Variants in KIF3C observed in about 807,000 individuals in gnomAD.
KIF3C encodes the protein kinesin-like protein KIF3C.
A neutral mutation model predicts 67.7 loss-of-function variants in KIF3C; 12 were observed. The observed-to-expected ratio is 0.18, with a 90% CI of 0.11 to 0.29. The LOEUF (loss-of-function observed/expected upper bound fraction) is 0.29, where lower values mean the gene tolerates loss of function less well. KIF3C is among the 10% of genes least tolerant of loss of function. The pLI is 1.00. For synonymous variants in KIF3C, 393 were observed against 426.2 expected (o/e 0.92, Z 0.96); for missense variants, 789 against 1,059.6 (o/e 0.74, Z 3.55).
At chr2:25,939,014 C>T (rs927550312) in intron 5 of KIF3C, among the ~76,000 whole-genome samples, 1 of 152,024 alleles carries the variant, frequency 6.6e-6, no homozygotes, top group Admixed American at 6.6e-5. Context: ...CCCTCTCTCC[C>T]TCCCTTCCTC....
chr2:25,936,864 G>C (rs574614050), intron 5 of KIF3C, among the ~76,000 whole-genome samples: 1 of 152,190 alleles, frequency 6.6e-6, no homozygotes, highest in Non-Finnish European at 1.5e-5. Flanking sequence ...AAAAAGAAAG[G>C]AAAGAAAACA....
chr2:25,944,347 CT>C (rs34983264), intron 5 of KIF3C, among the ~76,000 whole-genome samples: 10,385 of 133,780 alleles, frequency 0.078, 289 homozygotes, highest in African/African-American at 0.095. Context: ...TCATAATTGC[CT>C]TTTTTTTTTT....
At chr2:25,934,115 G>A (rs889165302) in intron 5 of KIF3C, 7 of 470,054 alleles carry the variant, frequency 1.5e-5, no homozygotes, top group African/African-American at 2.0e-5. Context: ...GAACTCAGTC[G>A]CAACGGACTA....
At position 25,955,113 on chromosome 2, in the gene KIF3C, A is replaced by G. The variant is rs1029414972; in HGVS notation, c.1770+428T>C. The stretch of plus-strand genomic sequence containing the variant: ...CTTTGCAGGGTTCTGGTGAGCGGCT[A>G]TTCTCATCCCTTGACATGTCCTTGA... On this transcript the variant is annotated intron_variant, in intron 3 of 7. Coordinates refer to ENST00000264712, the MANE Select transcript of KIF3C (RefSeq NM_002254.8). The surrounding 1 kb of genome is among the most constrained non-coding windows in gnomAD (Gnocchi z 5.0). Among the ~76,000 whole-genome samples the G allele has an allele frequency of 6.6e-6, 1 of 151,994 alleles. No individual in the cohort carries two copies. The highest frequency in any genetic ancestry group is 6.6e-5 in the Admixed American group (1 of 15,260).
chr2:25,948,799 G>A (rs553558432), intron 5 of KIF3C, among the ~76,000 whole-genome samples: 1 of 152,010 alleles, frequency 6.6e-6, no homozygotes, highest in African/African-American at 2.4e-5. Flanking sequence ...AAGCTCATTC[G>A]AACTTCAGGT....
At chr2:25,929,525 G>A (rs746268117) in intron 6 of KIF3C, 48 bp from the exon 7 acceptor site, 2 of 1,531,648 alleles carry the variant, frequency 1.3e-6, no homozygotes, top group South Asian at 2.2e-5. Context: ...CAGTCACTGT[G>A]CCTTCTAGGG....
chr2:25,962,850 A>AAAATATATAAAAT, intron 1 of KIF3C, among the ~76,000 whole-genome samples: 1 of 55,608 alleles, frequency 1.8e-5, no homozygotes, highest in East Asian at 2.8e-4. Context: ...TATAATATAT[A>AAAATATATAAAAT]ATATAATATA....
In KIF3C at chr2:25,927,886, G is replaced by A. The variant is rs770839600; in HGVS notation, c.*1092C>T. 1.3e-5 allele frequency: 2 copies of A among 152,722 alleles called. No individual in the cohort carries two copies. Among genetic ancestry groups the A allele is most frequent in the South Asian group, 2.1e-4 (1 of 4,828 alleles). 9.5% of individuals were successfully genotyped at this position (152,722 alleles called of 1,614,324 possible). On this transcript the variant is annotated 3_prime_UTR_variant, in exon 8 of 8. Coordinates refer to ENST00000264712, the MANE Select transcript of KIF3C (RefSeq NM_002254.8). ...CCCTAGGAACCAATTTGCGTAACTAGTGAATAAAGGATCTATTTTCAACAA... is the reference window on the plus strand; with the variant it reads ...CCCTAGGAACCAATTTGCGTAACTAATGAATAAAGGATCTATTTTCAACAA...
chr2:25,963,202 T>A lies in KIF3C; in HGVS notation c.1546-6758A>T, dbSNP rs1358701082. 9.5e-3 allele frequency among the ~76,000 whole-genome samples: 606 copies of A among 63,504 alleles called. 3 individuals are homozygous for A. Among genetic ancestry groups the A allele is most frequent in the African/African-American group, 0.026 (300 of 11,416 alleles). 41.7% of individuals were successfully genotyped at this position (63,504 alleles called of 152,430 possible). On this transcript the variant is annotated intron_variant, in intron 1 of 7. Coordinates refer to ENST00000264712, the MANE Select transcript of KIF3C (RefSeq NM_002254.8). ...TATATATATATATATATATATTTTT[T>A]TTTTTTTTTTTTTTTTTTTTAAAGA...
At chr2:25,967,270 G>C (rs1311710423) in intron 1 of KIF3C, among the ~76,000 whole-genome samples, 2 of 152,140 alleles carry the variant, frequency 1.3e-5, no homozygotes, top group African/African-American at 4.8e-5. Flanking sequence ...AGGTTGTCAG[G>C]ATCCCTAGAG....
intron 4 of KIF3C, 176 bp downstream of exon 4, chr2:25,954,091 C>T (rs1663732314): frequency 1.5e-6 from 1 of 650,846 alleles, no homozygotes; most frequent in Non-Finnish European, 2.8e-6. Flanking sequence ...CAAATACAGG[C>T]AGAGGAGGTA....
At chr2:25,973,293 C>G (rs572541494) in intron 1 of KIF3C, among the ~76,000 whole-genome samples, 2 of 152,212 alleles carry the variant, frequency 1.3e-5, no homozygotes, top group African/African-American at 4.8e-5. Context: ...GTGGCTCATG[C>G]CTGTAATCCC....
At position 25,981,186 on chromosome 2, in the gene KIF3C, G is replaced by C; in HGVS notation, c.732C>G (p.Leu244=). ...QDHIRVGKLN[L]VDLAGSERQN... ...GCCTCTCGCTGCCAGCCAGGTCCAC[G>C]AGGTTGAGCTTGCCCACTCGGATGT... The change falls in exon 1 of 8, where the codon CTC becomes CTG. Residue 244 remains leucine, a synonymous_variant. Transcript: ENST00000264712. This position sits in a 1 kb window ranked among gnomAD's most constrained non-coding sequence, Gnocchi z 8.2. 1 of 1,614,080 alleles carries C rather than the reference G, an allele frequency of 6.2e-7. No homozygotes were observed. The highest frequency in any genetic ancestry group is 1.6e-4 in the Middle Eastern group (1 of 6,062).
chr2:25,945,430 G>C (rs889774465), intron 5 of KIF3C, among the ~76,000 whole-genome samples: 22 of 151,518 alleles, frequency 1.5e-4, no homozygotes, highest in Non-Finnish European at 2.5e-4. Flanking sequence ...GGCCAGGTTC[G>C]GTGGCTCAAG....
chr2:25,966,041 T>C (rs1168400619), intron 1 of KIF3C, among the ~76,000 whole-genome samples: 1 of 151,500 alleles, frequency 6.6e-6, no homozygotes, highest in East Asian at 1.9e-4. Context: ...GCTTTATAGA[T>C]GGGAAACAAA....
chr2:25,954,236 G>A (rs1200327157), intron 4 of KIF3C, 31 bp downstream of exon 4: 3 of 1,512,032 alleles, frequency 2.0e-6, no homozygotes, highest in Non-Finnish European at 1.8e-6. Flanking sequence ...TGGCTGTGGG[G>A]ACCCGGGATG....
chr2:25,968,458 T>C (rs1414315668), intron 1 of KIF3C, among the ~76,000 whole-genome samples: 2 of 152,146 alleles, frequency 1.3e-5, no homozygotes. Flanking sequence ...TCAGCCCTTC[T>C]ACTTTAGTGA....
At chr2:25,944,852 C>T (rs954241943) in intron 5 of KIF3C, among the ~76,000 whole-genome samples, 4 of 152,060 alleles carry the variant, frequency 2.6e-5, no homozygotes, top group Non-Finnish European at 2.9e-5. Context: ...TCAGGGAGGC[C>T]GGGCACTGTG....
chr2:25,976,902 T>C (rs1037046889), intron 1 of KIF3C, among the ~76,000 whole-genome samples: 1 of 152,130 alleles, frequency 6.6e-6, no homozygotes, highest in Non-Finnish European at 1.5e-5. Context: ...CGCACAAATA[T>C]TTGGGTTTTC....
Sources: gnomAD v4.1 joint callset for allele counts (sites outside exome capture counted in the v4.1 genomes callset) on GRCh38, gnomAD v4.1.1 for gene constraint, Gnocchi (gnomAD v3.1) non-coding constraint, MANE v1.5 for transcripts, NCBI Gene and HGNC (gene_info 2026-07-23, HGNC 2026-07-21) for gene names.